Variants in NT5DC2 observed in about 807,000 individuals in gnomAD.
The protein encoded by NT5DC2 is 5'-nucleotidase domain containing 2, also known as 5'-nucleotidase domain-containing protein 2.
In NT5DC2, 41 loss-of-function variants were observed where a neutral mutation model predicts 70.0. The ratio of observed to expected loss-of-function variants is 0.59; its 90% CI spans 0.46 to 0.76. The LOEUF (loss-of-function observed/expected upper bound fraction) is 0.76, where lower values mean the gene tolerates loss of function less well. Ranked by LOEUF, NT5DC2 falls within the 30% of genes least tolerant of loss-of-function variation. NT5DC2 has a pLI of 0.00. For missense variants in NT5DC2, 705 were observed against 783.2 expected (o/e 0.90, Z 1.19); for synonymous variants, 299 against 310.4 (o/e 0.96, Z 0.39).
rs757795600 is a variant in NT5DC2 at position 52,524,828 on chromosome 3, C to T, written c.1401G>A (p.Arg467=). The change falls in exon 13 of 14, where the codon CGG becomes CGA. Residue 467 remains arginine (R), a synonymous_variant. Transcript: ENST00000422318. The stretch of plus-strand genomic sequence containing the variant: ...CCCCACCTGCTCACCTCAGCTCCTG[C>T]CGCTCTTTCATCCAGGCAGCCAGCA... The part of the protein sequence containing the change: ...RQVLAAWMKE[R]QELRCITKAL... 8.1e-6 allele frequency: 13 copies of T among 1,612,512 alleles called. No individual in the cohort carries two copies. Among genetic ancestry groups the T allele is most frequent in the South Asian group, 2.2e-5 (2 of 91,084 alleles).
In NT5DC2 at chr3:52,528,163, G is replaced by C; in HGVS notation, c.771+20C>G. On this transcript the variant is annotated intron_variant, in intron 6 of 13. Coordinates refer to ENST00000422318, the MANE Select transcript of NT5DC2 (RefSeq NM_001134231.2). ...GACTTAGTCTTTCCTGCCATCCGAG[G>C]GCAGGCCCAGCATCCTCACCGTCAC... The C allele has an allele frequency of 1.2e-6, 2 of 1,613,046 alleles. No individual in the cohort carries two copies. Among genetic ancestry groups the C allele is most frequent in the Non-Finnish European group, 1.7e-6 (2 of 1,180,028 alleles).
rs530401944 is a variant in NT5DC2, at chr3:52,527,205, G to A, written c.1119+89C>T. On this transcript the variant is annotated intron_variant, in intron 10 of 13. Coordinates refer to ENST00000422318, the MANE Select transcript of NT5DC2 (RefSeq NM_001134231.2). Reference sequence around the variant, plus strand: ...CTGCTCAGGGCCAAGGAGCTGTGCTGCTTCTTCAGAGGCTGCCTCTGCACA... The same window carrying A: ...CTGCTCAGGGCCAAGGAGCTGTGCTACTTCTTCAGAGGCTGCCTCTGCACA... The A allele has an allele frequency of 4.8e-5, 60 of 1,251,398 alleles. No individual in the cohort carries two copies. The South Asian group carries it at 7.0e-4, about 15-fold the overall frequency. 77.5% of individuals were successfully genotyped at this position (1,251,398 alleles called of 1,614,324 possible). A position where few individuals can be genotyped will look rare whatever the true frequency, so the allele number is the denominator to read the frequency against.
rs1341092602 is a variant in NT5DC2 at position 52,525,147 on chromosome 3, G to C, written c.1207-44C>G. 3.4e-6 allele frequency: 5 copies of C among 1,468,668 alleles called. No individual in the cohort carries two copies. In the African/African-American group the frequency reaches 9.0e-5, roughly 26 times the overall value. The allele number at this position is 1,468,668 out of a possible 1,614,324, so 91.0% of individuals were successfully genotyped here. A position where few individuals can be genotyped will look rare whatever the true frequency, so the allele number is the denominator to read the frequency against. On this transcript the variant is annotated intron_variant, in intron 11 of 13. Transcript: ENST00000422318. ...GAACTGGGCTCAGCGCCAGTTGCTG[G>C]GGGCGGGGGGGGGGGGGTTTCCTGG... is the stretch of plus-strand genomic sequence containing the variant.
At position 52,529,174 on chromosome 3, in the gene NT5DC2, A is replaced by C; in HGVS notation, c.393T>G (p.Arg131=). The C allele has an allele frequency of 6.2e-7, 1 of 1,613,954 alleles. No homozygotes were observed. Among genetic ancestry groups the C allele is most frequent in the Non-Finnish European group, 8.5e-7 (1 of 1,179,950 alleles). Residue 131 remains arginine, a synonymous_variant, in exon 2 of 14, where the codon CGT becomes CGG. Transcript: ENST00000422318. This position sits in a 1 kb window ranked among gnomAD's most constrained non-coding sequence, Gnocchi z 4.1. ...CCTTGTAGTGCTCGATCAGGATGTC[A>C]CGGGCGGTACTGAAGATCTCGGGGT... is the stretch of plus-strand genomic sequence containing the variant. ...ALHPEIFSTA[R]DILIEHYKYP... is the part of the protein sequence containing the mutation.
chr3:52,525,074 T>C lies in NT5DC2; in HGVS notation c.1236A>G (p.Thr412=). The C allele has an allele frequency of 6.5e-7, 1 of 1,530,012 alleles. No homozygotes were observed. Among genetic ancestry groups the C allele is most frequent in the Non-Finnish European group, 8.8e-7 (1 of 1,132,762 alleles). The allele number at this position is 1,530,012 out of a possible 1,614,324, so 94.8% of individuals were successfully genotyped here. The stretch of plus-strand genomic sequence containing the variant: ...GCTCCAGCTCGGGGATGATGGCGCC[T>C]GTGCGCCAGCCGTGCCGCAGCATGA... ...ADLMLRHGWR[T]GAIIPELERE... Residue 412 remains threonine (T), a synonymous_variant, in exon 12 of 14, where the codon ACA becomes ACG. Transcript: ENST00000422318.
chr3:52,534,288 G>T, upstream of NT5DC2: 2 of 607,124 alleles, frequency 3.3e-6, no homozygotes, highest in Non-Finnish European at 5.8e-6. Context: ...CCGGGGTCCT[G>T]GTCCCCGGTC....
In NT5DC2 at chr3:52,533,737, T is replaced by TGCCCACCGCGCGCC. The variant is rs1313161838; in HGVS notation, c.-14_-1dup. 2 of 978,522 alleles carry TGCCCACCGCGCGCC rather than the reference T, an allele frequency of 2.0e-6. No individual in the cohort carries two copies. Among genetic ancestry groups the TGCCCACCGCGCGCC allele is most frequent in the Non-Finnish European group, 2.4e-6 (2 of 826,542 alleles). The allele number at this position is 978,522 out of a possible 1,614,324, so 60.6% of individuals were successfully genotyped here. A position where few individuals can be genotyped will look rare whatever the true frequency, so the allele number is the denominator to read the frequency against. ...GCCGCCCGCAGCCCCGCACCCGCCA[T>TGCCCACCGCGCGCC]GCCCACCGCGCGCCGCCCGCCGCCC... On this transcript the variant is annotated 5_prime_UTR_variant, in exon 1 of 14. Transcript: ENST00000422318.
At chr3:52,534,858 A>T, upstream of NT5DC2, 1 of 610,284 alleles carries the variant, frequency 1.6e-6, no homozygotes, top group Non-Finnish European at 2.8e-6. Context: ...ACAGTGTGGC[A>T]GTCCATGGCC....
Position 52,525,048 on chromosome 3 carries a change from C to T in NT5DC2, c.1262G>A (p.Arg421His), listed in dbSNP as rs746426628. Residue 421 changes from arginine (R) to histidine (H), a missense_variant, in exon 12 of 14, where the codon CGT becomes CAT. Arg to His is a conservative substitution (Grantham distance 29). Coordinates refer to ENST00000422318, the MANE Select transcript of NT5DC2 (RefSeq NM_001134231.2). ...CTCCGTGTTGATGATGCGGATCTCA[C>T]GCTCCAGCTCGGGGATGATGGCGCC... ...RTGAIIPELE[R>H]EIRIINTEQY... is the part of the protein sequence containing the mutation. The T allele has an allele frequency of 1.5e-5, 24 of 1,599,794 alleles. No individual in the cohort carries two copies. Among genetic ancestry groups the T allele is most frequent in the Middle Eastern group, 1.6e-4 (1 of 6,062 alleles).
chr3:52,528,435 G>T lies in NT5DC2; in HGVS notation c.642+11C>A, dbSNP rs370988986. On this transcript the variant is annotated intron_variant, in intron 5 of 13. Coordinates refer to ENST00000422318, the MANE Select transcript of NT5DC2 (RefSeq NM_001134231.2). ...TCCATGGGGCAGGCTGGCTGCTGGGGTATGGAGTACCTTGCCATAGAAGCC... is the reference window on the plus strand; with the variant it reads ...TCCATGGGGCAGGCTGGCTGCTGGGTTATGGAGTACCTTGCCATAGAAGCC... The T allele has an allele frequency of 1.9e-6, 3 of 1,613,244 alleles. No individual in the cohort carries two copies. Among genetic ancestry groups the T allele is most frequent in the Admixed American group, 3.3e-5 (2 of 60,006 alleles).
At chr3:52,532,501 C>G in intron 1 of NT5DC2, 1 of 985,408 alleles carries the variant, frequency 1.0e-6, no homozygotes, top group South Asian at 4.7e-5. Flanking sequence ...TCCGCCACCC[C>G]ACAAAGCCGG....
chr3:52,534,734 C>T (rs895059658), upstream of NT5DC2: 15 of 1,528,984 alleles, frequency 9.8e-6, no homozygotes, highest in South Asian at 1.3e-5. Context: ...ACCCAGTAGC[C>T]GTGGGCCCTG....
rs778646503 is a variant in NT5DC2, at chr3:52,528,514, C to A, written c.574G>T (p.Glu192Ter). 6.2e-7 allele frequency: 1 copy of A among 1,613,508 alleles called. No homozygotes were observed. The highest frequency in any genetic ancestry group is 8.5e-7 in the Non-Finnish European group (1 of 1,179,986). Residue 192 changes from glutamate (E) to a stop codon, truncating the protein, a stop_gained, in exon 5 of 14, where the codon GAG becomes TAG. Coordinates refer to ENST00000422318, the MANE Select transcript of NT5DC2 (RefSeq NM_001134231.2). LOFTEE classifies it high-confidence loss of function. ...GTACCCCCATACAGCTCAATCACCT[C>A]CTCGTCTGGCACAGGCTGGAGGCCC... ...YRGLQPVPDE[E>*]VIELYGGTQH...
At chr3:52,527,595 G>A (rs1456253796) in intron 9 of NT5DC2, 22 bp downstream of exon 9, 3 of 1,610,688 alleles carry the variant, frequency 1.9e-6, no homozygotes, top group Non-Finnish European at 2.5e-6. Flanking sequence ...CCCTGGCCCT[G>A]CAACCCCCAC....
At chr3:52,533,108 G>A (rs562957765) in intron 1 of NT5DC2, among the ~76,000 whole-genome samples, 10 of 151,684 alleles carry the variant, frequency 6.6e-5, no homozygotes, top group Non-Finnish European at 7.4e-5. Flanking sequence ...TCCGCCCGGC[G>A]CCGCTCGCTG....
chr3:52,533,229 G>A (rs1478600219), intron 1 of NT5DC2, among the ~76,000 whole-genome samples: 1 of 152,300 alleles, frequency 6.6e-6, no homozygotes, highest in African/African-American at 2.4e-5. Context: ...GAAGTCGGCG[G>A]GGGCCCAGCA....
chr3:52,532,967 G>T (rs1189842475), intron 1 of NT5DC2, among the ~76,000 whole-genome samples: 1 of 152,178 alleles, frequency 6.6e-6, no homozygotes, highest in Non-Finnish European at 1.5e-5. Context: ...TCCAGGGGGC[G>T]GGGGTGACTT....
At chr3:52,534,214 C>A, upstream of NT5DC2, 1 of 420,596 alleles carries the variant, frequency 2.4e-6, no homozygotes, top group Non-Finnish European at 4.4e-6. Flanking sequence ...CCCTACCCTG[C>A]GCCTCTGGAT....
At chr3:52,534,527 ACT>A (rs201170763), upstream of NT5DC2, 6,039 of 1,613,204 alleles carry the variant, frequency 3.7e-3, 153 homozygotes, top group East Asian at 0.066. Flanking sequence ...AACTGGCCGC[ACT>A]GACCCGTCAA....
Sources: allele counts gnomAD v4.1 joint callset (sites outside exome capture counted in the v4.1 genomes callset), GRCh38; gene constraint gnomAD v4.1.1; non-coding constraint Gnocchi (gnomAD v3.1); transcripts MANE v1.5; gene names NCBI Gene and HGNC (gene_info 2026-07-23, HGNC 2026-07-21).